Variants in RIPK4 observed in about 807,000 individuals in gnomAD.
RIPK4 encodes receptor interacting serine/threonine kinase 4, also known as receptor-interacting serine/threonine-protein kinase 4.
RIPK4 carries 17 observed loss-of-function variants against 42.9 expected under a neutral mutation model. The ratio of observed to expected loss-of-function variants is 0.40; its 90% confidence interval spans 0.27 to 0.59. RIPK4 has a LOEUF of 0.59. RIPK4 is among the 20% of genes least tolerant of loss of function. The probability of loss-of-function intolerance (pLI) is 0.47; values close to 1 mark genes in which losing one functional copy is unlikely to be tolerated. For synonymous variants in RIPK4, 498 were observed against 499.1 expected, an observed-to-expected ratio of 1.00 and a Z score of 0.03; for missense variants, 897 against 1,104.4, an observed-to-expected ratio of 0.81 and a Z score of 2.66.
intron 6 of RIPK4, among the ~76,000 whole-genome samples, chr21:41,745,380 C>G (rs1409138129): frequency 6.6e-6 from 1 of 152,164 alleles, no homozygotes; most frequent in Non-Finnish European, 1.5e-5. Flanking sequence ...GAGTGCAGAC[C>G]ATTTATGGGC....
Position 41,756,681 on chromosome 21 carries a change from C to T in RIPK4, c.318G>A (p.Lys106=), listed in dbSNP as rs138948162. 53 of 1,614,210 alleles carry T rather than the reference C, an allele frequency of 3.3e-5. No homozygotes were observed. The African/African-American group carries it at 6.5e-4, about 20-fold the overall frequency. Residue 106 remains lysine, a synonymous_variant, in exon 2 of 8, where the codon AAG becomes AAA. Coordinates refer to ENST00000332512, the MANE Select transcript of RIPK4 (RefSeq NM_020639.3). The part of the protein sequence containing the change: ...MEYMETGSLE[K]LLASEPLPWD... Reference sequence around the variant, plus strand: ...ATGGCAATGGCTCCGAAGCCAGCAGCTTTTCCAGGGAGCCCGTCTCCATGT... The same window carrying T: ...ATGGCAATGGCTCCGAAGCCAGCAGTTTTTCCAGGGAGCCCGTCTCCATGT...
Position 41,739,621 on chromosome 21 carries a change from C to T in RIPK4, c.*1217G>A, listed in dbSNP as rs958215809. 2.0e-5 allele frequency: 3 copies of T among 152,194 alleles called. No homozygotes were observed. The highest frequency in any genetic ancestry group is 4.8e-5 in the African/African-American group (2 of 41,430). The allele number at this position is 152,194 out of a possible 1,614,324, so 9.4% of individuals were successfully genotyped here. ...TGTTTGCACGCAGGGTCACGTTCTG[C>T]AACAAACTTATTCTAATAACAGTAT... is the stretch of plus-strand genomic sequence containing the variant. On this transcript the variant is annotated 3_prime_UTR_variant, in exon 8 of 8. Transcript: ENST00000332512.
In RIPK4 at chr21:41,751,743, AAC is replaced by A. The variant is rs1197310495; in HGVS notation, c.475-500_475-499del. On this transcript the variant is annotated intron_variant, in intron 2 of 7. Coordinates refer to ENST00000332512, the MANE Select transcript of RIPK4 (RefSeq NM_020639.3). The surrounding 1 kb of genome is among the most constrained non-coding windows in gnomAD (Gnocchi z 4.5). ...AGTGGCTGCAAGTCCTTTAAAGGGA[AAC>A]ACAGAAACACACCTTCAGAAGCCCT... Among the ~76,000 whole-genome samples the A allele has an allele frequency of 6.6e-6, 1 of 152,208 alleles. No individual in the cohort carries two copies. The highest frequency in any genetic ancestry group is 2.4e-5 in the African/African-American group (1 of 41,452).
Position 41,740,103 on chromosome 21 carries a change from ACGAACGGCAG to A in RIPK4, c.*725_*734del, listed in dbSNP as rs1380669957. On this transcript the variant is annotated 3_prime_UTR_variant, in exon 8 of 8. Transcript: ENST00000332512. ...GCCAAAACATCTTAGGCAACGAGAA[ACGAACGGCAG>A]CTAGTACCATGTGGGCACGTGTGTG... is the stretch of plus-strand genomic sequence containing the variant. The A allele has an allele frequency of 1.3e-5, 2 of 152,188 alleles. No individual in the cohort carries two copies. The highest frequency in any genetic ancestry group is 4.8e-5 in the African/African-American group (2 of 41,452). The allele number at this position is 152,188 out of a possible 1,614,324, so 9.4% of individuals were successfully genotyped here.
chr21:41,750,520 C>T (rs570043674), intron 3 of RIPK4, among the ~76,000 whole-genome samples: 16 of 152,258 alleles, frequency 1.1e-4, no homozygotes, highest in African/African-American at 3.9e-4. Flanking sequence ...CCATAAAGCC[C>T]ACGGGTCATG....
chr21:41,746,794 CAG>C (rs1371780366), intron 4 of RIPK4, 23 bp from the exon 5 acceptor site: 27 of 1,561,704 alleles, frequency 1.7e-5, no homozygotes, highest in Non-Finnish European at 2.0e-5. Context: ...GGATGCGAGT[CAG>C]GGGCTCTGCA....
At chr21:41,746,825 T>C in intron 4 of RIPK4, 54 bp from the exon 5 acceptor site, 1 of 1,525,168 alleles carries the variant, frequency 6.6e-7, no homozygotes, top group South Asian at 1.3e-5. Flanking sequence ...TGGCAGCATC[T>C]CACCCTTGGG....
Position 41,741,965 on chromosome 21 carries a change from GCTT to G in RIPK4, c.1225_1227del (p.Lys409del), listed in dbSNP as rs528581810. 2.5e-5 allele frequency: 40 copies of G among 1,604,968 alleles called. No homozygotes were observed. In the African/African-American group the frequency reaches 2.9e-4, roughly 12 times the overall value. ...TCCCCGGACACGATGGCATCCACAAGCTTCTTCTTCTGGACGTCTGTGGTGCCC... is the reference window on the plus strand; with the variant it reads ...TCCCCGGACACGATGGCATCCACAAGCTTCTTCTGGACGTCTGTGGTGCCC... On this transcript the variant is annotated inframe_deletion, in exon 8 of 8. Transcript: ENST00000332512.
chr21:41,758,201 T>G (rs1355050995), intron 1 of RIPK4, among the ~76,000 whole-genome samples: 1 of 151,628 alleles, frequency 6.6e-6, no homozygotes, highest in East Asian at 1.9e-4. Flanking sequence ...CCCAAAACTT[T>G]TCCATCATCC....
intron 4 of RIPK4, among the ~76,000 whole-genome samples, chr21:41,748,316 C>G (rs2061178068): frequency 6.6e-6 from 1 of 152,234 alleles, no homozygotes. Context: ...TGACTCTCAT[C>G]TTCATTTTTA....
chr21:41,744,507 C>T (rs575169251), intron 6 of RIPK4, among the ~76,000 whole-genome samples: 4 of 152,104 alleles, frequency 2.6e-5, no homozygotes, highest in South Asian at 2.1e-4. Context: ...CCACCCAGCA[C>T]GGAGACATCT....
At chr21:41,753,751 A>G (rs913617208) in intron 2 of RIPK4, among the ~76,000 whole-genome samples, 1 of 152,234 alleles carries the variant, frequency 6.6e-6, no homozygotes, top group Non-Finnish European at 1.5e-5. Flanking sequence ...AGACTAAGAA[A>G]GCAGCCTGCC....
At position 41,751,125 on chromosome 21, in the gene RIPK4, G is replaced by A. The variant is rs766118694; in HGVS notation, c.595C>T (p.Leu199Phe). 10 of 1,614,066 alleles carry A rather than the reference G, an allele frequency of 6.2e-6. No individual in the cohort carries two copies. The highest frequency in any genetic ancestry group is 8.5e-6 in the Non-Finnish European group (10 of 1,180,032). The change falls in exon 3 of 8, where the codon CTC (leucine) becomes TTC (phenylalanine). Residue 199 changes from leucine (L) to phenylalanine (F), a missense_variant. Coordinates refer to ENST00000332512, the MANE Select transcript of RIPK4 (RefSeq NM_020639.3). This position sits in a 1 kb window ranked among gnomAD's most constrained non-coding sequence, Gnocchi z 4.5. ...TATACATCGTGCTTGGTGTCGAAGAGCCGGCTCTTCTCCCTGATGCGCTCT... is the reference window on the plus strand; with the variant it reads ...TATACATCGTGCTTGGTGTCGAAGAACCGGCTCTTCTCCCTGATGCGCTCT... ...PPERIREKSR[L>F]FDTKHDVYSF...
Position 41,741,418 on chromosome 21 carries a change from T to G in RIPK4, c.1775A>C (p.Gln592Pro). The change falls in exon 8 of 8, where the codon CAG (glutamine) becomes CCG (proline). Residue 592 changes from glutamine (Q) to proline (P), a missense_variant. Transcript: ENST00000332512. Reference protein sequence around the residue: ...HLPIVKLLAKQPGVSVNAQTL... With the variant: ...HLPIVKLLAKPPGVSVNAQTL... ...CTGGGCGTTCACACTCACCCCCGGC[T>G]GCTTGGCCAGCAGCTTGACGATGGG... 6.2e-7 allele frequency: 1 copy of G among 1,612,852 alleles called. No homozygotes were observed. Among genetic ancestry groups the G allele is most frequent in the Non-Finnish European group, 8.5e-7 (1 of 1,179,930 alleles).
intron 1 of RIPK4, among the ~76,000 whole-genome samples, chr21:41,762,533 G>C (rs547340035): frequency 5.3e-5 from 8 of 152,128 alleles, no homozygotes; most frequent in Non-Finnish European, 8.8e-5. Flanking sequence ...GTCGGGTGTC[G>C]CCCGGCGGCA....
intron 2 of RIPK4, among the ~76,000 whole-genome samples, chr21:41,752,811 CGGGCCCTGTCG>C (rs2146053770): frequency 6.6e-6 from 1 of 152,166 alleles, no homozygotes; most frequent in South Asian, 2.1e-4. Flanking sequence ...CATCACACGC[CGGGCCCTGTCG>C]GTGCGTAGGG....
At chr21:41,745,943 A>AGCTCGTGGGGGCC in intron 5 of RIPK4, 81 bp from the exon 6 acceptor site, 2 of 1,140,448 alleles carry the variant, frequency 1.8e-6, no homozygotes, top group Non-Finnish European at 2.7e-6. Context: ...CAGGGCCCCC[A>AGCTCGTGGGGGCC]CGAGCTGGGG....
chr21:41,754,579 C>T (rs1204091015), intron 2 of RIPK4, among the ~76,000 whole-genome samples: 1 of 152,202 alleles, frequency 6.6e-6, no homozygotes, highest in African/African-American at 2.4e-5. Context: ...GACAGGGAAG[C>T]CCTGCTGCCT....
intron 1 of RIPK4, among the ~76,000 whole-genome samples, chr21:41,758,797 G>A (rs574935175): frequency 1.3e-5 from 2 of 152,216 alleles, no homozygotes; most frequent in Non-Finnish European, 2.9e-5. Flanking sequence ...TGCCTCTCTA[G>A]GCCTTCGTGG....
Sources: allele counts gnomAD v4.1 joint callset (sites outside exome capture counted in the v4.1 genomes callset), GRCh38; gene constraint gnomAD v4.1.1; non-coding constraint Gnocchi (gnomAD v3.1); transcripts MANE v1.5; gene names NCBI Gene and HGNC (gene_info 2026-07-23, HGNC 2026-07-21).